SCHIP1: variants seen among roughly 807,000 people sequenced by gnomAD.
SCHIP1 encodes the protein schwannomin interacting protein 1.
SCHIP1 carries 8 observed loss-of-function variants against 29.7 expected under a neutral mutation model. The observed-to-expected ratio is 0.27, with a 90% CI of 0.16 to 0.49. The LOEUF (loss-of-function observed/expected upper bound fraction) is 0.49, where lower values mean the gene tolerates loss of function less well. Ranked by LOEUF, SCHIP1 falls within the 20% of genes least tolerant of loss-of-function variation. The pLI is 0.99. For synonymous variants in SCHIP1, 76 were observed against 94.9 expected, an observed-to-expected ratio of 0.80 and a Z score of 1.16; for missense variants, 193 against 294.6, an observed-to-expected ratio of 0.66 and a Z score of 2.52.
chr3:159,736,105 T>C, the SCHIP1 span, among the ~76,000 whole-genome samples: 1 of 152,340 alleles, frequency 6.6e-6, no homozygotes, highest in East Asian at 1.9e-4. Flanking sequence ...AGATCTTGTC[T>C]ACACACTTTA....
At chr3:159,845,570 C>T (rs934309937) in intron 1 of SCHIP1, 4 of 152,114 alleles carry the variant, frequency 2.6e-5, no homozygotes, top group South Asian at 2.1e-4. Flanking sequence ...TTAGTAGAAA[C>T]GGGTTTTCAC....
chr3:159,830,453 A>AT, the SCHIP1 span, among the ~76,000 whole-genome samples: 1 of 152,184 alleles, frequency 6.6e-6, no homozygotes, highest in Non-Finnish European at 1.5e-5. Flanking sequence ...TCAGGAAACT[A>AT]TTTTTTTCAT....
the SCHIP1 span, among the ~76,000 whole-genome samples, chr3:159,689,744 T>C: frequency 2.0e-5 from 3 of 152,232 alleles, no homozygotes; most frequent in African/African-American, 7.2e-5. Flanking sequence ...TTGTCATAAA[T>C]AGCTCTTATT....
At chr3:159,752,741 A>G in the SCHIP1 span, among the ~76,000 whole-genome samples, 1 of 152,176 alleles carries the variant, frequency 6.6e-6, no homozygotes, top group Non-Finnish European at 1.5e-5. Context: ...ATCCACCCCC[A>G]TGATCCAACC....
the SCHIP1 span, among the ~76,000 whole-genome samples, chr3:159,543,385 TCA>T: frequency 1.4e-4 from 12 of 84,278 alleles, no homozygotes; most frequent in Non-Finnish European, 2.2e-4. Context: ...CCCCACAACA[TCA>T]CCCCAGAGTG....
At chr3:159,508,558 T>A in the SCHIP1 span, among the ~76,000 whole-genome samples, 1 of 152,230 alleles carries the variant, frequency 6.6e-6, no homozygotes, top group Non-Finnish European at 1.5e-5. Flanking sequence ...AATTGTGATG[T>A]TAGGGTGTCA....
the SCHIP1 span, among the ~76,000 whole-genome samples, chr3:159,491,858 G>A: frequency 6.6e-6 from 1 of 152,214 alleles, no homozygotes; most frequent in African/African-American, 2.4e-5. Context: ...CCAAGTAGGG[G>A]CAGACTGACA....
the SCHIP1 span, among the ~76,000 whole-genome samples, chr3:159,288,106 G>A: frequency 0.98 from 149,305 of 152,224 alleles, 73,249 homozygotes; most frequent in East Asian, 1. Flanking sequence ...ACTACATGAA[G>A]TAAAATTGTA....
At chr3:159,742,505 T>C in the SCHIP1 span, among the ~76,000 whole-genome samples, 1 of 151,858 alleles carries the variant, frequency 6.6e-6, no homozygotes, top group African/African-American at 2.4e-5. Flanking sequence ...ACTCACTTAT[T>C]TTTATTTTTT....
the SCHIP1 span, among the ~76,000 whole-genome samples, chr3:159,668,093 G>C: frequency 6.6e-6 from 1 of 152,224 alleles, no homozygotes; most frequent in South Asian, 2.1e-4. Context: ...GTCCCGGCCA[G>C]GTACAGTGGC....
At chr3:159,814,695 C>T in the SCHIP1 span, among the ~76,000 whole-genome samples, 5 of 152,350 alleles carry the variant, frequency 3.3e-5, no homozygotes, top group East Asian at 3.9e-4. Context: ...CAGGTATCAG[C>T]TCTCATCTTC....
chr3:159,750,901 AC>A, the SCHIP1 span, among the ~76,000 whole-genome samples: 96,156 of 149,180 alleles, frequency 0.64, 31,104 homozygotes, highest in Middle Eastern at 0.81. Context: ...TTCCAAACAA[AC>A]AAAAAAAAAT....
At chr3:159,793,140 G>A in the SCHIP1 span, among the ~76,000 whole-genome samples, 1 of 152,102 alleles carries the variant, frequency 6.6e-6, no homozygotes, top group Non-Finnish European at 1.5e-5. Context: ...TAATCCTTGA[G>A]TGCGTTTAAC....
chr3:159,713,229 A>AAAAG, the SCHIP1 span, among the ~76,000 whole-genome samples: 1 of 106,702 alleles, frequency 9.4e-6, no homozygotes, highest in Non-Finnish European at 1.9e-5. Flanking sequence ...AGAGAGAAAG[A>AAAAG]AAGGAAGAAA....
At chr3:159,290,554 A>G in the SCHIP1 span, among the ~76,000 whole-genome samples, 1 of 152,172 alleles carries the variant, frequency 6.6e-6, no homozygotes, top group South Asian at 2.1e-4. Context: ...GAATCTCTAA[A>G]AACAGAAAAT....
At chr3:159,889,822 C>T (rs1009357362) in intron 5 of SCHIP1, among the ~76,000 whole-genome samples, 8 of 152,122 alleles carry the variant, frequency 5.3e-5, no homozygotes, top group African/African-American at 7.2e-5. Flanking sequence ...GCTGGCCGGG[C>T]GCGGTGGCTC....
At chr3:159,789,649 G>A in the SCHIP1 span, among the ~76,000 whole-genome samples, 20 of 152,302 alleles carry the variant, frequency 1.3e-4, no homozygotes, top group African/African-American at 2.4e-4. Context: ...AACAAGTCCC[G>A]GGTAACGCTG....
chr3:159,703,282 A>G, the SCHIP1 span, among the ~76,000 whole-genome samples: 2 of 152,348 alleles, frequency 1.3e-5, no homozygotes, highest in African/African-American at 4.8e-5. Flanking sequence ...AACCATTTAC[A>G]TTGAAGAAAA....
the SCHIP1 span, among the ~76,000 whole-genome samples, chr3:159,809,105 T>C: frequency 0.11 from 17,415 of 151,622 alleles, 1,276 homozygotes; most frequent in Non-Finnish European, 0.17. Context: ...TCATTTACAT[T>C]AGGTATTCTC....
Sources: gnomAD v4.1 joint callset for allele counts (sites outside exome capture counted in the v4.1 genomes callset) on GRCh38, gnomAD v4.1.1 for gene constraint, MANE v1.5 for transcripts, NCBI Gene and HGNC (gene_info 2026-07-23, HGNC 2026-07-21) for gene names.